DTWD1: variants seen among roughly 807,000 people sequenced by gnomAD.
The protein encoded by DTWD1 is DTW motif tRNA-uridine aminocarboxypropyltransferase 1.
Under a neutral mutation model 30.2 loss-of-function variants are expected in DTWD1, and 27 were observed. The ratio of observed to expected loss-of-function variants is 0.90; its 90% CI spans 0.66 to 1.23. The LOEUF (loss-of-function observed/expected upper bound fraction) is 1.23. Ranked by LOEUF, DTWD1 falls within the 50% of genes most tolerant of loss-of-function variation. The pLI is 0.00. For missense variants in DTWD1, 342 were observed against 348.8 expected (o/e 0.98, Z 0.15); for synonymous variants, 99 against 113.1 (o/e 0.88, Z 0.79).
chr15:49,634,472 A>G lies in DTWD1; in HGVS notation c.409-64A>G, dbSNP rs1047784589. The G allele has an allele frequency of 4.1e-6, 6 of 1,473,836 alleles. No individual in the cohort carries two copies. In the East Asian group the frequency reaches 1.4e-4, roughly 34 times the overall value. The allele number at this position is 1,473,836 out of a possible 1,614,324, so 91.3% of individuals were successfully genotyped here. ...ATATCTTTCTTAAAATTTTAAGTCA[A>G]TCAAAATTTATATATTTTGAAGATC... is the stretch of plus-strand genomic sequence containing the variant. On this transcript the variant is annotated intron_variant, in intron 3 of 4. Transcript: ENST00000403028.
intron 4 of DTWD1, 148 bp from the exon 5 acceptor site, chr15:49,643,183 G>T (rs1320122161): frequency 2.3e-6 from 2 of 851,298 alleles, no homozygotes; most frequent in African/African-American, 3.6e-5. Flanking sequence ...GTTTCAAACT[G>T]GGATTGAAGG....
At position 49,650,697 on chromosome 15, in the gene DTWD1, T is replaced by C. The variant is rs915892518; in HGVS notation, c.*7119T>C. ...TCTTAGATCTCAGGGCAGCCCTCAGTGGAGATGTAAGGCCTTGCTACTTCA... is the reference window on the plus strand; with the variant it reads ...TCTTAGATCTCAGGGCAGCCCTCAGCGGAGATGTAAGGCCTTGCTACTTCA... On this transcript the variant is annotated 3_prime_UTR_variant, in exon 5 of 5. Coordinates refer to ENST00000403028, the MANE Select transcript of DTWD1 (RefSeq NM_001144955.2). 5.9e-5 allele frequency: 9 copies of C among 152,166 alleles called. No individual in the cohort carries two copies. Among genetic ancestry groups the C allele is most frequent in the Non-Finnish European group, 1.2e-4 (8 of 68,026 alleles). The allele number at this position is 152,166 out of a possible 1,614,324, so 9.4% of individuals were successfully genotyped here.
At chr15:49,638,905 A>G (rs1017393022) in intron 4 of DTWD1, among the ~76,000 whole-genome samples, 2 of 152,180 alleles carry the variant, frequency 1.3e-5, no homozygotes, top group African/African-American at 4.8e-5. Flanking sequence ...AAGATTTATC[A>G]TAGGAAGCCT....
At chr15:49,632,442 A>G in intron 3 of DTWD1, 140 bp downstream of exon 3, 1 of 790,156 alleles carries the variant, frequency 1.3e-6, no homozygotes, top group East Asian at 3.1e-5. Context: ...TAGACAATAT[A>G]CAGTTTATTT....
intron 4 of DTWD1, among the ~76,000 whole-genome samples, chr15:49,640,103 C>A (rs139950231): frequency 6.6e-6 from 1 of 152,212 alleles, no homozygotes; most frequent in African/African-American, 2.4e-5. Context: ...CATTCCCCTT[C>A]TTCCCCTGAC....
At chr15:49,625,516 T>G in intron 2 of DTWD1, 85 bp downstream of exon 2, 1 of 1,229,442 alleles carries the variant, frequency 8.1e-7, no homozygotes, top group South Asian at 1.6e-5. Context: ...TTGATAAACT[T>G]AATAAATAAT....
In DTWD1 at chr15:49,650,871, G is replaced by C. The variant is rs1188171489; in HGVS notation, c.*7293G>C. The C allele has an allele frequency of 6.6e-6, 1 of 152,090 alleles. No homozygotes were observed. The highest frequency in any genetic ancestry group is 2.4e-5 in the African/African-American group (1 of 41,410). The allele number at this position is 152,090 out of a possible 1,614,324, so 9.4% of individuals were successfully genotyped here. ...ATCTTACACCCCAAACTCCATCTCA[G>C]CATTCCTCTTTAGAGGACTCGACCT... is the stretch of plus-strand genomic sequence containing the variant. On this transcript the variant is annotated 3_prime_UTR_variant, in exon 5 of 5. Transcript: ENST00000403028.
At chr15:49,640,567 C>G (rs2079054366) in intron 4 of DTWD1, among the ~76,000 whole-genome samples, 1 of 152,048 alleles carries the variant, frequency 6.6e-6, no homozygotes. Context: ...TATAAGCGCT[C>G]CATTGATCCA....
rs1025971379 is a variant in DTWD1, at chr15:49,651,532, T to G, written c.*7954T>G. The G allele has an allele frequency of 2.6e-5, 4 of 152,098 alleles. No individual in the cohort carries two copies. Among genetic ancestry groups the G allele is most frequent in the African/African-American group, 9.7e-5 (4 of 41,406 alleles). 9.4% of individuals were successfully genotyped at this position (152,098 alleles called of 1,614,324 possible). On this transcript the variant is annotated 3_prime_UTR_variant, in exon 5 of 5. Coordinates refer to ENST00000403028, the MANE Select transcript of DTWD1 (RefSeq NM_001144955.2). ...GAGTTTCAACTTACCAAGGCTGCCTTAGCTGCTGCTGCTGTTGAATGTCCA... is the reference window on the plus strand; with the variant it reads ...GAGTTTCAACTTACCAAGGCTGCCTGAGCTGCTGCTGCTGTTGAATGTCCA...
At chr15:49,630,237 CATT>C (rs1457219304) in intron 2 of DTWD1, among the ~76,000 whole-genome samples, 1 of 152,148 alleles carries the variant, frequency 6.6e-6, no homozygotes, top group African/African-American at 2.4e-5. Context: ...AGTGGCAAAT[CATT>C]ATTTTGACTG....
chr15:49,631,897 T>A, intron 2 of DTWD1: 3 of 396,110 alleles, frequency 7.6e-6, no homozygotes, highest in Non-Finnish European at 1.4e-5. Context: ...GAAAATGACA[T>A]TGGAGCTTTG....
In DTWD1 at chr15:49,634,795, G is replaced by T; in HGVS notation, c.667+1G>T. 1 of 1,541,964 alleles carries T rather than the reference G, an allele frequency of 6.5e-7. No individual in the cohort carries two copies. Among genetic ancestry groups the T allele is most frequent in the Middle Eastern group, 1.7e-4 (1 of 5,722 alleles). Reference sequence around the variant, plus strand: ...ATATTCACTGATGAGCGACTTCAAGGTAAAAAAAAAATGTTTTTTTGGACT... The same window carrying T: ...ATATTCACTGATGAGCGACTTCAAGTTAAAAAAAAAATGTTTTTTTGGACT... On this transcript the variant is annotated splice_donor_variant, in intron 4 of 4. Coordinates refer to ENST00000403028, the MANE Select transcript of DTWD1 (RefSeq NM_001144955.2). LOFTEE classifies it high-confidence loss of function.
In DTWD1 at chr15:49,653,190, T is replaced by C. The variant is rs533261826; in HGVS notation, c.*9612T>C. ...TCATTAAGTTAAGCACTTTGAAATG[T>C]AGAGATTATCCTGAATTATCTAGGT... On this transcript the variant is annotated 3_prime_UTR_variant, in exon 5 of 5. Coordinates refer to ENST00000403028, the MANE Select transcript of DTWD1 (RefSeq NM_001144955.2). 1 of 152,268 alleles carries C rather than the reference T, an allele frequency of 6.6e-6. No individual in the cohort carries two copies. Among genetic ancestry groups the C allele is most frequent in the Admixed American group, 6.5e-5 (1 of 15,288 alleles). The allele number at this position is 152,268 out of a possible 1,614,324, so 9.4% of individuals were successfully genotyped here. A position where few individuals can be genotyped will look rare whatever the true frequency, so the allele number is the denominator to read the frequency against.
chr15:49,643,301 T>G (rs765103963), intron 4 of DTWD1, 30 bp from the exon 5 acceptor site: 1 of 1,440,610 alleles, frequency 6.9e-7, no homozygotes, highest in Non-Finnish European at 9.1e-7. Flanking sequence ...TTTCTTTCTT[T>G]CTTTCTTTTT....
intron 2 of DTWD1, among the ~76,000 whole-genome samples, chr15:49,628,856 T>A (rs1340636188): frequency 2.6e-5 from 4 of 152,200 alleles, no homozygotes; most frequent in South Asian, 4.1e-4. Context: ...CTTTCTTTTT[T>A]AATTATACTT....
At chr15:49,629,205 A>G (rs2078886015) in intron 2 of DTWD1, among the ~76,000 whole-genome samples, 1 of 152,154 alleles carries the variant, frequency 6.6e-6, no homozygotes, top group Non-Finnish European at 1.5e-5. Context: ...GATTTCCATG[A>G]TTTGATCTGT....
Position 49,648,810 on chromosome 15 carries a change from T to G in DTWD1, c.*5232T>G, listed in dbSNP as rs1181937556. 6.6e-6 allele frequency: 1 copy of G among 152,192 alleles called. No individual in the cohort carries two copies. Among genetic ancestry groups the G allele is most frequent in the Non-Finnish European group, 1.5e-5 (1 of 68,034 alleles). 9.4% of individuals were successfully genotyped at this position (152,192 alleles called of 1,614,324 possible). A position where few individuals can be genotyped will look rare whatever the true frequency, so the allele number is the denominator to read the frequency against. ...ATGACCTCACTCTTTATTCAGCAGT[T>G]CTGCCACTATTACTAGCTAATCCAA... On this transcript the variant is annotated 3_prime_UTR_variant, in exon 5 of 5. Coordinates refer to ENST00000403028, the MANE Select transcript of DTWD1 (RefSeq NM_001144955.2).
At chr15:49,631,745 A>T (rs2078923921) in intron 2 of DTWD1, among the ~76,000 whole-genome samples, 1 of 152,232 alleles carries the variant, frequency 6.6e-6, no homozygotes, top group Non-Finnish European at 1.5e-5. Context: ...TGGGTGGCAG[A>T]GTGAGAGTCC....
chr15:49,651,307 T>C lies in DTWD1; in HGVS notation c.*7729T>C, dbSNP rs1737706564. ...CAAGTATGTACATGAACTGTGAAGG[T>C]CTCTGTATTACGTGCAGTGCCCACC... On this transcript the variant is annotated 3_prime_UTR_variant, in exon 5 of 5. Coordinates refer to ENST00000403028, the MANE Select transcript of DTWD1 (RefSeq NM_001144955.2). 1 of 152,080 alleles carries C rather than the reference T, an allele frequency of 6.6e-6. No homozygotes were observed. The highest frequency in any genetic ancestry group is 6.6e-5 in the Admixed American group (1 of 15,256). The allele number at this position is 152,080 out of a possible 1,614,324, so 9.4% of individuals were successfully genotyped here.
Sources: gnomAD v4.1 joint callset for allele counts (sites outside exome capture counted in the v4.1 genomes callset) on GRCh38, gnomAD v4.1.1 for gene constraint, MANE v1.5 for transcripts, NCBI Gene and HGNC (gene_info 2026-07-23, HGNC 2026-07-21) for gene names.